TBC1D22A: variants seen among roughly 807,000 people sequenced by gnomAD.
TBC1D22A encodes the protein putative GTPase activator.
Under a neutral mutation model 60.2 loss-of-function variants are expected in TBC1D22A, and 38 were observed. That is an observed-to-expected ratio of 0.63 (90% CI 0.49 to 0.83). TBC1D22A has a LOEUF of 0.83. Ranked by LOEUF, TBC1D22A falls within the 40% of genes least tolerant of loss-of-function variation. The probability of loss-of-function intolerance (pLI) is 0.00; values close to 1 mark genes in which losing one functional copy is unlikely to be tolerated. For synonymous variants in TBC1D22A, 302 were observed against 281.7 expected (o/e 1.07, Z -0.72); for missense variants, 628 against 701.0 (o/e 0.90, Z 1.18).
intron 8 of TBC1D22A, among the ~76,000 whole-genome samples, chr22:46,936,403 G>A (rs1179343189): frequency 6.6e-6 from 1 of 152,162 alleles, no homozygotes; most frequent in African/African-American, 2.4e-5. Flanking sequence ...TCCCTGCTGG[G>A]GAGCTTTCAG....
intron 4 of TBC1D22A, among the ~76,000 whole-genome samples, chr22:46,828,707 A>C (rs978409271): frequency 6.6e-6 from 1 of 151,904 alleles, no homozygotes; most frequent in Non-Finnish European, 1.5e-5. Flanking sequence ...CACACCTCTC[A>C]CCACCTCCCA....
At position 47,172,570 on chromosome 22, in the gene TBC1D22A, A is replaced by G. The variant is rs1272673341; in HGVS notation, c.1426-928A>G. ...AACCTTTTACCTCCTATCTTTACCT[A>G]TGAGAATCCTACCTGAATTTTAAGA... On this transcript the variant is annotated intron_variant, in intron 12 of 12. Coordinates refer to ENST00000337137, the MANE Select transcript of TBC1D22A (RefSeq NM_014346.5). Among the ~76,000 whole-genome samples the G allele has an allele frequency of 2.0e-5, 3 of 152,158 alleles. No homozygotes were observed. The East Asian group carries it at 5.8e-4, about 29-fold the overall frequency.
chr22:47,155,632 T>C (rs2147186654), intron 12 of TBC1D22A, among the ~76,000 whole-genome samples: 1 of 151,764 alleles, frequency 6.6e-6, no homozygotes, highest in South Asian at 2.1e-4. Context: ...CGCGTAACAC[T>C]TGACATCACA....
chr22:47,003,909 A>G (rs1454237828), intron 10 of TBC1D22A, among the ~76,000 whole-genome samples: 1 of 141,410 alleles, frequency 7.1e-6, no homozygotes. Context: ...GCATGCCTGT[A>G]TACACACACC....
intron 11 of TBC1D22A, among the ~76,000 whole-genome samples, chr22:47,092,903 G>A (rs146476774): frequency 4.7e-4 from 71 of 152,322 alleles, no homozygotes; most frequent in African/African-American, 1.7e-3. Context: ...GGACAGGATA[G>A]CAAAAGTACC....
At chr22:46,835,425 T>A (rs1348497380) in intron 4 of TBC1D22A, among the ~76,000 whole-genome samples, 1 of 152,148 alleles carries the variant, frequency 6.6e-6, no homozygotes, top group African/African-American at 2.4e-5. Flanking sequence ...AAACAAATTC[T>A]GGAGCTGAAG....
At chr22:46,976,534 T>C (rs895001812) in intron 9 of TBC1D22A, among the ~76,000 whole-genome samples, 1 of 152,204 alleles carries the variant, frequency 6.6e-6, no homozygotes, top group African/African-American at 2.4e-5. Context: ...AGTATGAGGC[T>C]ATGTACTCAC....
At chr22:46,849,153 C>T (rs901648035) in intron 4 of TBC1D22A, among the ~76,000 whole-genome samples, 3 of 152,222 alleles carry the variant, frequency 2.0e-5, no homozygotes, top group Non-Finnish European at 2.9e-5. Flanking sequence ...TATTCTGATG[C>T]TGGACAATTC....
intron 1 of TBC1D22A, among the ~76,000 whole-genome samples, chr22:46,774,585 G>A (rs2083620389): frequency 6.6e-6 from 1 of 152,210 alleles, no homozygotes; most frequent in African/African-American, 2.4e-5. Flanking sequence ...CCGGGGCAGG[G>A]CCAGGCATTG....
At chr22:46,913,386 A>G (rs778171302) in intron 8 of TBC1D22A, 1 of 1,366,280 alleles carries the variant, frequency 7.3e-7, no homozygotes, top group African/African-American at 1.5e-5. Context: ...TGATCTGGAG[A>G]GATGAGCCTT....
chr22:46,821,302 C>A (rs1218409612), intron 4 of TBC1D22A, among the ~76,000 whole-genome samples: 1 of 152,128 alleles, frequency 6.6e-6, no homozygotes, highest in East Asian at 1.9e-4. Context: ...TTATTTTGCA[C>A]ACTAGTTGAT....
chr22:46,880,150 C>T (rs2067780063), intron 5 of TBC1D22A, among the ~76,000 whole-genome samples: 2 of 152,198 alleles, frequency 1.3e-5, no homozygotes, highest in South Asian at 2.1e-4. Flanking sequence ...GAGATCCTGA[C>T]GACATGTGCC....
intron 10 of TBC1D22A, among the ~76,000 whole-genome samples, chr22:46,998,847 C>T (rs2075211001): frequency 6.6e-6 from 1 of 152,194 alleles, no homozygotes; most frequent in South Asian, 2.1e-4. Flanking sequence ...TTAAAAATAC[C>T]GTTTTTGCCT....
chr22:46,795,618 T>C (rs1368383025), intron 3 of TBC1D22A, among the ~76,000 whole-genome samples: 1 of 152,240 alleles, frequency 6.6e-6, no homozygotes, highest in Non-Finnish European at 1.5e-5. Flanking sequence ...GTTTGCTTTC[T>C]GGGCAAGCTT....
At chr22:46,965,804 T>C (rs1157612739) in intron 8 of TBC1D22A, among the ~76,000 whole-genome samples, 1 of 152,198 alleles carries the variant, frequency 6.6e-6, no homozygotes, top group Non-Finnish European at 1.5e-5. Context: ...GCAGTGTGTT[T>C]GCTACCTGGA....
chr22:47,095,064 C>G (rs891158255), intron 11 of TBC1D22A, among the ~76,000 whole-genome samples: 1 of 152,250 alleles, frequency 6.6e-6, no homozygotes, highest in African/African-American at 2.4e-5. Context: ...ATGTACAGCT[C>G]TTACTACAGC....
In TBC1D22A at chr22:46,907,687, G is replaced by A. The variant is rs575844639; in HGVS notation, c.901-4387G>A. Among the ~76,000 whole-genome samples the A allele has an allele frequency of 7.9e-5, 12 of 152,320 alleles. No individual in the cohort carries two copies. The East Asian group carries it at 2.3e-3, about 29-fold the overall frequency. On this transcript the variant is annotated intron_variant, in intron 7 of 12. Coordinates refer to ENST00000337137, the MANE Select transcript of TBC1D22A (RefSeq NM_014346.5). ...AAAGAGCTTCCCAGTCCTCCTCTGT[G>A]CCGGCCGTGCAGGACTGAGGGCACT...
intron 10 of TBC1D22A, among the ~76,000 whole-genome samples, chr22:47,025,085 C>T (rs905652595): frequency 1.3e-5 from 2 of 152,032 alleles, no homozygotes; most frequent in Admixed American, 1.3e-4. Context: ...AGTGTTTATG[C>T]GTCCAATAAG....
At chr22:46,890,943 T>G (rs527383150) in intron 5 of TBC1D22A, among the ~76,000 whole-genome samples, 161 of 152,308 alleles carry the variant, frequency 1.1e-3, no homozygotes, top group African/African-American at 3.5e-3. Context: ...CTCGCAGCCC[T>G]GTTGTAGAAG....
Sources: allele counts gnomAD v4.1 joint callset (sites outside exome capture counted in the v4.1 genomes callset), GRCh38; gene constraint gnomAD v4.1.1; transcripts MANE v1.5; gene names NCBI Gene and HGNC (gene_info 2026-07-23, HGNC 2026-07-21).